JPT2: variants seen among roughly 807,000 people sequenced by gnomAD.
JPT2 encodes the protein CRAMP_1 like.
A neutral mutation model predicts 15.9 loss-of-function variants in JPT2; 9 were observed. That is an observed-to-expected ratio of 0.57 (90% CI 0.34 to 0.99). JPT2 has a LOEUF of 0.99. JPT2 is among the 50% of genes least tolerant of loss of function. The pLI is 0.02. For synonymous variants in JPT2, 95 were observed against 91.7 expected (o/e 1.04, Z -0.21); for missense variants, 267 against 252.1 (o/e 1.06, Z -0.40).
At chr16:1,678,712 C>T (rs941635113) in intron 1 of JPT2, among the ~76,000 whole-genome samples, 16 of 148,672 alleles carry the variant, frequency 1.1e-4, no homozygotes, top group African/African-American at 4.0e-4. Context: ...TTCCTGGGGG[C>T]GGGGTGTGCC....
chr16:1,679,400 A>G (rs1385291925), intron 1 of JPT2, among the ~76,000 whole-genome samples: 1 of 152,218 alleles, frequency 6.6e-6, no homozygotes, highest in Non-Finnish European at 1.5e-5. Flanking sequence ...CTAAAAATAA[A>G]AACCCTTTAG....
At chr16:1,682,983 T>C (rs2037035711) in intron 1 of JPT2, among the ~76,000 whole-genome samples, 2 of 151,974 alleles carry the variant, frequency 1.3e-5, no homozygotes, top group Admixed American at 6.6e-5. Context: ...TTTGTTTGTT[T>C]GTTTGTTTTT....
chr16:1,697,564 G>A (rs1260657134), intron 3 of JPT2, among the ~76,000 whole-genome samples: 2 of 151,646 alleles, frequency 1.3e-5, no homozygotes, highest in East Asian at 1.9e-4. Context: ...ATTAATATTC[G>A]CAGTTTTGAG....
chr16:1,681,229 T>C (rs2037020554), intron 1 of JPT2, among the ~76,000 whole-genome samples: 1 of 152,148 alleles, frequency 6.6e-6, no homozygotes, highest in Non-Finnish European at 1.5e-5. Context: ...TATTGAACGC[T>C]CAGTTCCATT....
chr16:1,698,753 C>T lies in JPT2; in HGVS notation c.386-58C>T, dbSNP rs1339570261. ...ACACACTTTTTATTTCCACAGCCTG[C>T]CTGTCAGGGTCATGGGTTGCCTCTA... is the stretch of plus-strand genomic sequence containing the variant. On this transcript the variant is annotated intron_variant, in intron 4 of 4. Coordinates refer to ENST00000248098, the MANE Select transcript of JPT2 (RefSeq NM_144570.3). This position sits in a 1 kb window ranked among gnomAD's most constrained non-coding sequence, Gnocchi z 4.9. The T allele has an allele frequency of 8.6e-6, 13 of 1,515,930 alleles. No individual in the cohort carries two copies. The highest frequency in any genetic ancestry group is 5.3e-6 in the Non-Finnish European group (6 of 1,126,420). The allele number at this position is 1,515,930 out of a possible 1,614,324, so 93.9% of individuals were successfully genotyped here.
chr16:1,685,823 C>T, intron 2 of JPT2: 1 of 355,224 alleles, frequency 2.8e-6, no homozygotes, highest in Admixed American at 4.5e-5. Flanking sequence ...GCACTGAGGA[C>T]ACAAAAGTGG....
chr16:1,685,440 G>T lies in JPT2; in HGVS notation c.46G>T (p.Ala16Ser). The T allele has an allele frequency of 6.2e-7, 1 of 1,614,084 alleles. No individual in the cohort carries two copies. Among genetic ancestry groups the T allele is most frequent in the Non-Finnish European group, 8.5e-7 (1 of 1,179,978 alleles). The change falls in exon 2 of 5, where the codon GCC becomes TCC. Residue 16 changes from alanine (A) to serine (S), a missense_variant and splice_region_variant. Coordinates refer to ENST00000248098, the MANE Select transcript of JPT2 (RefSeq NM_144570.3). ...TTGGCATGTACTCTGTGCTTGTAGG[G>T]CCATGAAGCCCCCAGGAGGAGAATC... ...DSEGGRAGSRAMKPPGGESSN... is the reference protein window; with the variant it reads ...DSEGGRAGSRSMKPPGGESSN...
Position 1,699,371 on chromosome 16 carries a change from G to T in JPT2, c.*373G>T. ...AAACCAAAACAGCCTGTCCACTGCT[G>T]CTGTGGGATGGAGGAGGCGTAAGCA... On this transcript the variant is annotated 3_prime_UTR_variant, in exon 5 of 5. Transcript: ENST00000248098. The T allele has an allele frequency of 2.2e-6, 1 of 459,226 alleles. No homozygotes were observed. Among genetic ancestry groups the T allele is most frequent in the Non-Finnish European group, 4.3e-6 (1 of 230,156 alleles). The allele number at this position is 459,226 out of a possible 1,614,324, so 28.4% of individuals were successfully genotyped here.
chr16:1,679,696 CA>C (rs36037229), intron 1 of JPT2, among the ~76,000 whole-genome samples: 151 of 114,740 alleles, frequency 1.3e-3, no homozygotes, highest in South Asian at 1.4e-3. Context: ...GACTCCGTCT[CA>C]AAAAAAAAAA....
At chr16:1,694,438 G>GTA (rs1228829257) in intron 3 of JPT2, among the ~76,000 whole-genome samples, 2 of 152,248 alleles carry the variant, frequency 1.3e-5, no homozygotes, top group Admixed American at 1.3e-4. Context: ...AGACAAGAAT[G>GTA]TAGCCCTATA....
chr16:1,682,647 G>A (rs1298033984), intron 1 of JPT2, among the ~76,000 whole-genome samples: 5 of 151,890 alleles, frequency 3.3e-5, no homozygotes, highest in South Asian at 2.1e-4. Context: ...ACTCTGGCCT[G>A]GGCAACAAGA....
chr16:1,679,230 A>G (rs944776876), intron 1 of JPT2, among the ~76,000 whole-genome samples: 1 of 152,174 alleles, frequency 6.6e-6, no homozygotes, highest in African/African-American at 2.4e-5. Flanking sequence ...CTGTATGATG[A>G]GCCCCTCTGT....
In JPT2 at chr16:1,698,794, A is replaced by T; in HGVS notation, c.386-17A>T. On this transcript the variant is annotated splice_polypyrimidine_tract_variant and intron_variant, in intron 4 of 4. Coordinates refer to ENST00000248098, the MANE Select transcript of JPT2 (RefSeq NM_144570.3). The surrounding 1 kb of genome is among the most constrained non-coding windows in gnomAD (Gnocchi z 4.9). ...GTTGCCTCTAATGGGATGTTGTTCT[A>T]ACTTTGTGTCCCACAGCTGCAAGGA... 1 of 1,602,742 alleles carries T rather than the reference A, an allele frequency of 6.2e-7. No individual in the cohort carries two copies. Among genetic ancestry groups the T allele is most frequent in the Non-Finnish European group, 8.5e-7 (1 of 1,175,344 alleles).
intron 3 of JPT2, among the ~76,000 whole-genome samples, chr16:1,694,138 G>A (rs1247108720): frequency 6.6e-6 from 1 of 152,164 alleles, no homozygotes; most frequent in Non-Finnish European, 1.5e-5. Flanking sequence ...AAGTGAAGAA[G>A]GAATAAAGGA....
chr16:1,691,121 G>T (rs749303432), intron 2 of JPT2, among the ~76,000 whole-genome samples: 6 of 152,226 alleles, frequency 3.9e-5, no homozygotes, highest in Non-Finnish European at 8.8e-5. Context: ...TGGGTGCTTG[G>T]TGTCTGCTGA....
At chr16:1,683,090 C>G (rs554996733) in intron 1 of JPT2, among the ~76,000 whole-genome samples, 2 of 152,288 alleles carry the variant, frequency 1.3e-5, no homozygotes, top group African/African-American at 2.4e-5. Flanking sequence ...CATTCTCCTG[C>G]CCCAGCCTCC....
At chr16:1,681,136 A>T (rs748974653) in intron 1 of JPT2, among the ~76,000 whole-genome samples, 1 of 152,040 alleles carries the variant, frequency 6.6e-6, no homozygotes, top group East Asian at 1.9e-4. Context: ...CCCTCCCCCT[A>T]TTAGTGTCAT....
At chr16:1,681,602 C>T (rs926202151) in intron 1 of JPT2, among the ~76,000 whole-genome samples, 6 of 152,182 alleles carry the variant, frequency 3.9e-5, no homozygotes, top group Non-Finnish European at 7.3e-5. Flanking sequence ...TGGCACTAGG[C>T]GTCTGTCACG....
intron 2 of JPT2, chr16:1,690,512 T>G (rs2037097327): frequency 6.6e-6 from 1 of 152,194 alleles, no homozygotes; most frequent in African/African-American, 2.4e-5. Flanking sequence ...GCATTACACA[T>G]GAATAAACTC....
Sources: allele counts gnomAD v4.1 joint callset (sites outside exome capture counted in the v4.1 genomes callset), GRCh38; gene constraint gnomAD v4.1.1; non-coding constraint Gnocchi (gnomAD v3.1); transcripts MANE v1.5; gene names NCBI Gene and HGNC (gene_info 2026-07-23, HGNC 2026-07-21).